The following ATG7 variants were observed in gnomAD, a reference collection of about 807,000 sequenced individuals.
ATG7 encodes the protein autophagy related 7, also known as ubiquitin-like modifier-activating enzyme ATG7.
A neutral mutation model predicts 82.4 loss-of-function variants in ATG7; 70 were observed. The ratio of observed to expected loss-of-function variants is 0.85; its 90% CI spans 0.70 to 1.04. The LOEUF (loss-of-function observed/expected upper bound fraction) is 1.04. ATG7 is among the 50% of genes least tolerant of loss of function. The pLI is 0.00. For synonymous variants in ATG7, 287 were observed against 313.0 expected (o/e 0.92, Z 0.88); for missense variants, 792 against 864.3 (o/e 0.92, Z 1.05).
chr3:11,508,348 AAAG>A (rs1315916070), intron 20 of ATG7, among the ~76,000 whole-genome samples: 3 of 152,186 alleles, frequency 2.0e-5, no homozygotes, highest in African/African-American at 4.8e-5. Context: ...AAAAAAAAAA[AAAG>A]AAAAAATTCA....
chr3:11,404,893 T>G (rs185368435), intron 19 of ATG7, among the ~76,000 whole-genome samples: 87 of 152,230 alleles, frequency 5.7e-4, no homozygotes, highest in African/African-American at 1.9e-3. Context: ...TACCTCCTAT[T>G]GGGTCCCTCC....
chr3:11,441,119 T>C (rs192130941), intron 20 of ATG7, among the ~76,000 whole-genome samples: 189 of 152,370 alleles, frequency 1.2e-3, no homozygotes, highest in African/African-American at 4.3e-3. Flanking sequence ...ATTTTTGTTT[T>C]GTTATAATTT....
intron 20 of ATG7, among the ~76,000 whole-genome samples, chr3:11,476,804 C>G (rs1293882194): frequency 6.6e-6 from 1 of 152,052 alleles, no homozygotes; most frequent in Non-Finnish European, 1.5e-5. Flanking sequence ...TCTGAAAGAA[C>G]ATTTATGTTA....
intron 18 of ATG7, among the ~76,000 whole-genome samples, chr3:11,369,041 A>G (rs2076819234): frequency 6.6e-6 from 1 of 151,106 alleles, no homozygotes; most frequent in African/African-American, 2.4e-5. Context: ...TGGCCTGGGA[A>G]AACTCTAATT....
At chr3:11,498,803 A>G (rs575259951) in intron 20 of ATG7, among the ~76,000 whole-genome samples, 1 of 152,312 alleles carries the variant, frequency 6.6e-6, no homozygotes, top group Admixed American at 6.5e-5. Context: ...ACTCTGTCCT[A>G]GGCTGGGCTC....
Position 11,281,019 on chromosome 3 carries a change from G to A in ATG7, c.-340G>A, listed in dbSNP as rs534704542. On this transcript the variant is annotated 5_prime_UTR_variant, in exon 2 of 21. Coordinates refer to ENST00000693202, the MANE Select transcript of ATG7 (RefSeq NM_001349232.2). ...GATCCAATTCCTGTATCTTCACCTTGTCTACCGGGATTTCTAGAGCAGCCT... is the reference window on the plus strand; with the variant it reads ...GATCCAATTCCTGTATCTTCACCTTATCTACCGGGATTTCTAGAGCAGCCT... 8.5e-5 allele frequency: 13 copies of A among 152,138 alleles called. No homozygotes were observed. The highest frequency in any genetic ancestry group is 2.0e-4 in the Admixed American group (3 of 15,276). 9.4% of individuals were successfully genotyped at this position (152,138 alleles called of 1,614,324 possible). A position where few individuals can be genotyped will look rare whatever the true frequency, so the allele number is the denominator to read the frequency against.
At chr3:11,433,831 T>G (rs537284370) in intron 20 of ATG7, among the ~76,000 whole-genome samples, 13 of 152,184 alleles carry the variant, frequency 8.5e-5, no homozygotes, top group Non-Finnish European at 1.5e-4. Flanking sequence ...TTTCTGCAGA[T>G]TTGGGGATTA....
intron 20 of ATG7, among the ~76,000 whole-genome samples, chr3:11,489,566 G>C (rs953696297): frequency 2.1e-5 from 3 of 143,662 alleles, no homozygotes; most frequent in Non-Finnish European, 4.5e-5. Context: ...TAATTGTGAT[G>C]TTAGGGTGTC....
chr3:11,461,598 A>G (rs2086304278), intron 20 of ATG7, among the ~76,000 whole-genome samples: 1 of 152,182 alleles, frequency 6.6e-6, no homozygotes, highest in South Asian at 2.1e-4. Flanking sequence ...TCTCTCTTAA[A>G]TGTAGTTCTT....
At chr3:11,527,168 G>A (rs555522085) in intron 20 of ATG7, among the ~76,000 whole-genome samples, 47 of 150,828 alleles carry the variant, frequency 3.1e-4, no homozygotes, top group African/African-American at 1.1e-3. Flanking sequence ...ACAGTAGCAC[G>A]CTCTCGGCTC....
chr3:11,441,560 A>C (rs962344436), intron 20 of ATG7, among the ~76,000 whole-genome samples: 10 of 151,836 alleles, frequency 6.6e-5, no homozygotes, highest in African/African-American at 2.4e-4. Context: ...GTTTTAAAGC[A>C]CCAGTTTGGA....
At chr3:11,467,637 G>C (rs1576624124) in intron 20 of ATG7, among the ~76,000 whole-genome samples, 1 of 152,098 alleles carries the variant, frequency 6.6e-6, no homozygotes, top group South Asian at 2.1e-4. Flanking sequence ...TGGCCTCCCA[G>C]AGTGCTGGGA....
intron 20 of ATG7, among the ~76,000 whole-genome samples, chr3:11,523,575 T>C (rs2124930976): frequency 6.6e-6 from 1 of 152,354 alleles, no homozygotes; most frequent in East Asian, 1.9e-4. Flanking sequence ...TTGATTTGCC[T>C]TTGGGAGGGC....
chr3:11,564,711 T>G, the ATG7 span: 1 of 1,380,786 alleles, frequency 7.2e-7, no homozygotes, highest in Non-Finnish European at 9.8e-7. Context: ...ACCACCGCCC[T>G]CGGAGTCCTC....
intron 20 of ATG7, among the ~76,000 whole-genome samples, chr3:11,515,382 C>A (rs1214828889): frequency 5.9e-5 from 9 of 152,104 alleles, no homozygotes. Context: ...TGGCTCACTG[C>A]AACCTCCACC....
At chr3:11,289,351 G>T (rs1324697537) in intron 3 of ATG7, among the ~76,000 whole-genome samples, 8 of 152,138 alleles carry the variant, frequency 5.3e-5, no homozygotes, top group Admixed American at 3.9e-4. Context: ...CTTAAGCGCT[G>T]TAGTGATGTT....
chr3:11,491,304 C>G (rs548062857), intron 20 of ATG7, among the ~76,000 whole-genome samples: 1 of 152,202 alleles, frequency 6.6e-6, no homozygotes, highest in Non-Finnish European at 1.5e-5. Flanking sequence ...AGTTCTCAAG[C>G]CTTGGCTTTC....
chr3:11,318,269 A>G (rs1949720951), intron 9 of ATG7, among the ~76,000 whole-genome samples: 1 of 152,008 alleles, frequency 6.6e-6, no homozygotes, highest in African/African-American at 2.4e-5. Context: ...CGTGATGAAC[A>G]CCTCCTTATG....
chr3:11,543,648 C>G (rs1447233111), intron 20 of ATG7, among the ~76,000 whole-genome samples: 1 of 152,188 alleles, frequency 6.6e-6, no homozygotes, highest in Non-Finnish European at 1.5e-5. Flanking sequence ...GCCTGTACTC[C>G]CAGTGCTTTG....
Sources: allele counts gnomAD v4.1 joint callset (sites outside exome capture counted in the v4.1 genomes callset), GRCh38; gene constraint gnomAD v4.1.1; transcripts MANE v1.5; gene names NCBI Gene and HGNC (gene_info 2026-07-23, HGNC 2026-07-21).